SCAF11: variants seen among roughly 807,000 people sequenced by gnomAD.
SCAF11 encodes SR-related CTD associated factor 11.
In SCAF11, 47 loss-of-function variants were observed where a neutral mutation model predicts 140.5. The ratio of observed to expected loss-of-function variants is 0.33; its 90% confidence interval spans 0.26 to 0.43. The LOEUF is 0.43. Ranked by LOEUF, SCAF11 falls within the 20% of genes least tolerant of loss-of-function variation. The pLI is 1.00. For synonymous variants in SCAF11, 557 were observed against 579.4 expected (o/e 0.96, Z 0.55); for missense variants, 1,645 against 1,705.1 (o/e 0.96, Z 0.62).
At chr12:45,990,128 G>C (rs1479414153) in intron 1 of SCAF11, among the ~76,000 whole-genome samples, 1 of 151,734 alleles carries the variant, frequency 6.6e-6, no homozygotes, top group East Asian at 2.0e-4. Flanking sequence ...TCGCGGGGCA[G>C]CGAGAGGGAA....
At chr12:45,956,879 T>A (rs1436185649) in intron 3 of SCAF11, among the ~76,000 whole-genome samples, 1 of 152,202 alleles carries the variant, frequency 6.6e-6, no homozygotes, top group Non-Finnish European at 1.5e-5. Context: ...TTTAGATATA[T>A]GCTTTAGGTG....
In SCAF11 at chr12:45,919,799, C is replaced by T. The variant is rs1728852940; in HGVS notation, c.*2249G>A. On this transcript the variant is annotated 3_prime_UTR_variant, in exon 15 of 15. Coordinates refer to ENST00000369367, the MANE Select transcript of SCAF11 (RefSeq NM_004719.3). ...GGAGTGCTACTAAAGATATATGAGA[C>T]TTCAACTCTTGACCACATCACTTTT... is the stretch of plus-strand genomic sequence containing the variant. 6.6e-6 allele frequency: 1 copy of T among 152,200 alleles called. No individual in the cohort carries two copies. Among genetic ancestry groups the T allele is most frequent in the South Asian group, 2.1e-4 (1 of 4,834 alleles). 9.4% of individuals were successfully genotyped at this position (152,200 alleles called of 1,614,324 possible).
chr12:45,964,443 G>A (rs1046403370), intron 1 of SCAF11, among the ~76,000 whole-genome samples: 2 of 152,100 alleles, frequency 1.3e-5, no homozygotes, highest in East Asian at 1.9e-4. Context: ...CGAGGCGGGC[G>A]GATCACAAGT....
chr12:45,928,523 G>C lies in SCAF11; in HGVS notation c.1178C>G (p.Ser393Cys). The C allele has an allele frequency of 6.2e-7, 1 of 1,614,064 alleles. No homozygotes were observed. Residue 393 changes from serine to cysteine, a missense_variant, in exon 11 of 15, where the codon TCT (serine) becomes TGT (cysteine). Coordinates refer to ENST00000369367, the MANE Select transcript of SCAF11 (RefSeq NM_004719.3). Reference protein sequence around the residue: ...PPLLKKKLRSSVAAPEKSSSN... With the variant: ...PPLLKKKLRSCVAAPEKSSSN... ...AGATGATTTTTCAGGGGCAGCTACA[G>C]AGCTCCGAAGTTTCTTTTTCAGTAA...
At chr12:45,925,154 A>G in intron 11 of SCAF11, 80 bp from the exon 12 acceptor site, 1 of 1,117,078 alleles carries the variant, frequency 9.0e-7, no homozygotes, top group Non-Finnish European at 1.3e-6. Context: ...CACTGGTTAC[A>G]GTAAAATTAA....
rs1944649140 is a variant in SCAF11 at position 45,919,131 on chromosome 12, T to G, written c.*2917A>C. ...CCTTAATAATAAAATGTTAAAGACA[T>G]TAGTTTATCAAAAGAATTTATTAGA... is the stretch of plus-strand genomic sequence containing the variant. On this transcript the variant is annotated 3_prime_UTR_variant, in exon 15 of 15. Transcript: ENST00000369367. 6.6e-6 allele frequency: 1 copy of G among 152,208 alleles called. No individual in the cohort carries two copies. Among genetic ancestry groups the G allele is most frequent in the African/African-American group, 2.4e-5 (1 of 41,448 alleles). The allele number at this position is 152,208 out of a possible 1,614,324, so 9.4% of individuals were successfully genotyped here. A position where few individuals can be genotyped will look rare whatever the true frequency, so the allele number is the denominator to read the frequency against.
chr12:45,959,132 A>C (rs1945765439), intron 3 of SCAF11, among the ~76,000 whole-genome samples: 1 of 152,134 alleles, frequency 6.6e-6, no homozygotes, highest in Non-Finnish European at 1.5e-5. Context: ...TCCTAACTGC[A>C]AATTGTACTG....
intron 3 of SCAF11, 195 bp downstream of exon 3, chr12:45,961,502 ATAT>A: frequency 1.7e-6 from 1 of 587,352 alleles, no homozygotes; most frequent in South Asian, 2.5e-5. Flanking sequence ...TGCATTTAAA[ATAT>A]TATTTGCAAA....
chr12:45,981,449 T>C (rs541014696), intron 1 of SCAF11, among the ~76,000 whole-genome samples: 20 of 152,156 alleles, frequency 1.3e-4, no homozygotes, highest in Non-Finnish European at 2.4e-4. Context: ...TCTAAACAAA[T>C]AGCCCCTTAC....
At chr12:45,948,589 CTT>C (rs1321169270) in intron 4 of SCAF11, 52 bp from the exon 5 acceptor site, 1 of 1,139,106 alleles carries the variant, frequency 8.8e-7, no homozygotes. Context: ...TTACAAATAA[CTT>C]TTTAAATTCT....
chr12:45,965,239 G>A (rs1352410256), intron 1 of SCAF11, among the ~76,000 whole-genome samples: 2 of 152,138 alleles, frequency 1.3e-5, no homozygotes, highest in Non-Finnish European at 2.9e-5. Flanking sequence ...TACAATGGAA[G>A]GAGATTATAA....
chr12:45,972,901 T>TAG (rs1555171405), intron 1 of SCAF11, among the ~76,000 whole-genome samples: 4 of 26,512 alleles, frequency 1.5e-4, no homozygotes, highest in African/African-American at 6.1e-4. Context: ...TAGATATATA[T>TAG]ATATATAGAT....
At chr12:45,952,653 G>A (rs904369913) in intron 3 of SCAF11, among the ~76,000 whole-genome samples, 13 of 152,086 alleles carry the variant, frequency 8.5e-5, no homozygotes, top group African/African-American at 3.1e-4. Context: ...GAGTTTCTCT[G>A]ATAAAACTAC....
In SCAF11 at chr12:45,978,599, T is replaced by A. The variant is rs146521243; in HGVS notation, c.-22+11754A>T. The stretch of plus-strand genomic sequence containing the variant: ...GTCAACAGCACTGTATTTTCACATC[T>A]GGGAGGCAGAATAACAAAGAGAAGA... On this transcript the variant is annotated intron_variant, in intron 1 of 14. Coordinates refer to ENST00000369367, the MANE Select transcript of SCAF11 (RefSeq NM_004719.3). Among the ~76,000 whole-genome samples the A allele has an allele frequency of 6.6e-5, 10 of 152,266 alleles. No homozygotes were observed. In the East Asian group the frequency reaches 1.9e-3, roughly 29 times the overall value.
rs142744626 is a variant in SCAF11, at chr12:45,964,699, T to A, written c.-21-511A>T. Among the ~76,000 whole-genome samples the A allele has an allele frequency of 2.4e-4, 37 of 151,772 alleles. No individual in the cohort carries two copies. In the East Asian group the frequency reaches 6.8e-3, roughly 28 times the overall value. On this transcript the variant is annotated intron_variant, in intron 1 of 14. Coordinates refer to ENST00000369367, the MANE Select transcript of SCAF11 (RefSeq NM_004719.3). The stretch of plus-strand genomic sequence containing the variant: ...AAAAACGGAAAGGAAAAGCCTTTTA[T>A]AACTATTAAGCAACAAAGCCTAAAT...
In SCAF11 at chr12:45,934,482, C is replaced by T. The variant is rs1249147154; in HGVS notation, c.487G>A (p.Gly163Arg). The change falls in exon 7 of 15, where the codon GGA becomes AGA. Residue 163 changes from glycine to arginine, a missense_variant. Coordinates refer to ENST00000369367, the MANE Select transcript of SCAF11 (RefSeq NM_004719.3). ...IHRNSLYSETGGKKNAAIKIN... is the reference protein window; with the variant it reads ...IHRNSLYSETRGKKNAAIKIN... ...TTTATTGCTGCATTTTTCTTTCCTC[C>T]TGTTTCACTGTATAAAGAGTTTCCT... 6.3e-7 allele frequency: 1 copy of T among 1,592,396 alleles called. No homozygotes were observed.
chr12:45,941,866 C>T (rs1240442986), intron 6 of SCAF11, among the ~76,000 whole-genome samples: 1 of 152,168 alleles, frequency 6.6e-6, no homozygotes, highest in African/African-American at 2.4e-5. Context: ...AAAAGTTACA[C>T]TGAGTGTGCT....
At chr12:45,955,411 A>C (rs1014518342) in intron 3 of SCAF11, 4 of 152,240 alleles carry the variant, frequency 2.6e-5, no homozygotes, top group Non-Finnish European at 4.4e-5. Flanking sequence ...CGGCCTCCCA[A>C]AGTGTTGGGA....
intron 3 of SCAF11, among the ~76,000 whole-genome samples, chr12:45,952,913 C>A (rs535574280): frequency 6.6e-6 from 1 of 152,138 alleles, no homozygotes; most frequent in Non-Finnish European, 1.5e-5. Context: ...CTGGGTTTTA[C>A]CACGTATCAA....
Sources: gnomAD v4.1 joint callset for allele counts (sites outside exome capture counted in the v4.1 genomes callset) on GRCh38, gnomAD v4.1.1 for gene constraint, MANE v1.5 for transcripts, NCBI Gene and HGNC (gene_info 2026-07-23, HGNC 2026-07-21) for gene names.